Variants in GADL1 observed in about 807,000 individuals in gnomAD.
GADL1 encodes GAD like acidic amino acid decarboxylase 1, also known as acidic amino acid decarboxylase GADL1.
GADL1 carries 71 observed loss-of-function variants against 69.5 expected under a neutral mutation model. The observed-to-expected ratio is 1.02, with a 90% CI of 0.84 to 1.25. The LOEUF is 1.25. Ranked by LOEUF, GADL1 falls within the 50% of genes most tolerant of loss-of-function variation. GADL1 has a pLI of 0.00. For missense variants in GADL1, 737 were observed against 631.8 expected (o/e 1.17, Z -1.79); for synonymous variants, 254 against 214.4 (o/e 1.18, Z -1.62).
At chr3:30,747,515 T>A (rs985590804) in intron 14 of GADL1, among the ~76,000 whole-genome samples, 29 of 152,210 alleles carry the variant, frequency 1.9e-4, no homozygotes, top group African/African-American at 6.8e-4. Context: ...CATCTACCCA[T>A]ACATTTCTTT....
At chr3:30,750,657 T>A (rs866902484) in intron 14 of GADL1, among the ~76,000 whole-genome samples, 54 of 146,972 alleles carry the variant, frequency 3.7e-4, no homozygotes, top group Middle Eastern at 3.5e-3. Context: ...TTTTTTTTTT[T>A]AACACAATTG....
intron 14 of GADL1, among the ~76,000 whole-genome samples, chr3:30,741,068 GTATAAATATATATAGGTGTTTGTA>G (rs1171668716): frequency 2.0e-4 from 23 of 114,682 alleles, no homozygotes; most frequent in African/African-American, 9.4e-4. Flanking sequence ...ATAAATGTTT[GTATAAATATATATAGGTGTTTGTA>G]TTATATATAT....
chr3:30,795,606 C>A (rs1697015564), intron 12 of GADL1, among the ~76,000 whole-genome samples: 1 of 152,134 alleles, frequency 6.6e-6, no homozygotes, highest in South Asian at 2.1e-4. Flanking sequence ...GAAAAATATT[C>A]TATCTTTCCT....
intron 11 of GADL1, among the ~76,000 whole-genome samples, chr3:30,815,101 A>T (rs1430662943): frequency 6.6e-6 from 1 of 152,126 alleles, no homozygotes; most frequent in East Asian, 1.9e-4. Context: ...TGGATTTGAG[A>T]AACATTTTAC....
At chr3:30,743,963 G>T (rs541708650) in intron 14 of GADL1, among the ~76,000 whole-genome samples, 72 of 152,124 alleles carry the variant, frequency 4.7e-4, no homozygotes, top group Non-Finnish European at 7.9e-4. Flanking sequence ...CTGGATGCTG[G>T]GGGGAAGACC....
chr3:30,849,431 G>A (rs191225311), intron 6 of GADL1, among the ~76,000 whole-genome samples: 339 of 152,192 alleles, frequency 2.2e-3, no homozygotes, highest in African/African-American at 7.7e-3. Flanking sequence ...ACAGAGGCAG[G>A]GACTGAATCC....
At chr3:30,736,018 C>G (rs569753829) in intron 14 of GADL1, among the ~76,000 whole-genome samples, 1 of 152,050 alleles carries the variant, frequency 6.6e-6, no homozygotes. Flanking sequence ...TTTCCTTTTA[C>G]ATTTTGGATC....
At chr3:30,810,744 C>T (rs113078262) in intron 11 of GADL1, among the ~76,000 whole-genome samples, 2,650 of 152,194 alleles carry the variant, frequency 0.017, 84 homozygotes, top group African/African-American at 0.061. Flanking sequence ...TCCTCTGGCT[C>T]GCCTTTCTTC....
At chr3:30,864,163 A>G (rs1698362129) in intron 1 of GADL1, among the ~76,000 whole-genome samples, 1 of 152,070 alleles carries the variant, frequency 6.6e-6, no homozygotes, top group Non-Finnish European at 1.5e-5. Flanking sequence ...TAGGCCCTAA[A>G]AATAGAGTAA....
chr3:30,873,233 T>C (rs1236974244), intron 1 of GADL1, among the ~76,000 whole-genome samples: 2 of 152,020 alleles, frequency 1.3e-5, no homozygotes. Flanking sequence ...ATTTAATGGA[T>C]ACTTACAATG....
intron 4 of GADL1, among the ~76,000 whole-genome samples, chr3:30,854,319 C>A (rs758188521): frequency 1.3e-5 from 2 of 152,058 alleles, no homozygotes; most frequent in Non-Finnish European, 2.9e-5. Context: ...TTTTGTGGAC[C>A]ACTTCGATTA....
chr3:30,764,652 C>T (rs905183701), intron 14 of GADL1, among the ~76,000 whole-genome samples: 3 of 152,150 alleles, frequency 2.0e-5, no homozygotes, highest in Non-Finnish European at 2.9e-5. Flanking sequence ...TTTGAGTAGG[C>T]AAGTTCCCAT....
chr3:30,830,822 A>T (rs6783336), intron 11 of GADL1, among the ~76,000 whole-genome samples: 1 of 151,872 alleles, frequency 6.6e-6, no homozygotes. Flanking sequence ...TACTATGAGC[A>T]GCACTAAAAG....
intron 1 of GADL1, among the ~76,000 whole-genome samples, chr3:30,884,046 C>A (rs547145855): frequency 6.6e-6 from 1 of 151,910 alleles, no homozygotes; most frequent in Non-Finnish European, 1.5e-5. Context: ...AATGCTTCCA[C>A]GTCTTAGTCT....
intron 13 of GADL1, 102 bp from the exon 14 acceptor site, chr3:30,778,370 G>C: frequency 1.4e-6 from 1 of 725,342 alleles, no homozygotes; most frequent in South Asian, 1.9e-5. Flanking sequence ...GAGTTATCAT[G>C]TGTATAAAAT....
intron 1 of GADL1, among the ~76,000 whole-genome samples, chr3:30,883,046 A>G (rs1012664320): frequency 2.0e-5 from 3 of 151,944 alleles, no homozygotes; most frequent in Non-Finnish European, 4.4e-5. Flanking sequence ...GGAGTTCTTT[A>G]TTCACAATAT....
chr3:30,736,091 T>C (rs1011436629), intron 14 of GADL1, among the ~76,000 whole-genome samples: 2 of 152,156 alleles, frequency 1.3e-5, no homozygotes, highest in African/African-American at 4.8e-5. Flanking sequence ...TCAATGTTTA[T>C]TTTGCCTGAT....
chr3:30,861,950 T>G (rs1382752689), intron 1 of GADL1, among the ~76,000 whole-genome samples, 185 bp from the exon 2 acceptor site: 1 of 151,824 alleles, frequency 6.6e-6, no homozygotes, highest in Admixed American at 6.6e-5. Context: ...TAAGGAAAAT[T>G]TTACAAAGAA....
intron 1 of GADL1, among the ~76,000 whole-genome samples, chr3:30,879,516 C>G (rs1317610311): frequency 6.6e-6 from 1 of 151,894 alleles, no homozygotes; most frequent in South Asian, 2.1e-4. Context: ...TGATCTCCTC[C>G]AAGAGAAGCT....
Sources: gnomAD v4.1 joint callset for allele counts (sites outside exome capture counted in the v4.1 genomes callset) on GRCh38, gnomAD v4.1.1 for gene constraint, MANE v1.5 for transcripts, NCBI Gene and HGNC (gene_info 2026-07-23, HGNC 2026-07-21) for gene names.